CCNH: variants seen among roughly 807,000 people sequenced by gnomAD.
CCNH encodes the protein cyclin-H.
A neutral mutation model predicts 41.9 loss-of-function variants in CCNH; 31 were observed. The ratio of observed to expected loss-of-function variants is 0.74; its 90% confidence interval spans 0.56 to 1.00. CCNH has a LOEUF of 1.00. Ranked by LOEUF, CCNH falls within the 50% of genes least tolerant of loss-of-function variation. CCNH has a pLI of 0.00. For synonymous variants in CCNH, 138 were observed against 136.1 expected (o/e 1.01, Z -0.10); for missense variants, 362 against 388.4 (o/e 0.93, Z 0.57).
At position 87,411,113 on chromosome 5, in the gene CCNH, T is replaced by C. The variant is rs1311086305; in HGVS notation, c.240+111A>G. ...AATATATAATGTGCCAAAAACTAAT[T>C]AATTGTAACTAAGGTGAATTTTTAA... is the stretch of plus-strand genomic sequence containing the variant. On this transcript the variant is annotated intron_variant, in intron 2 of 8. Transcript: ENST00000256897. 9 of 1,114,064 alleles carry C rather than the reference T, an allele frequency of 8.1e-6. No individual in the cohort carries two copies. The Admixed American group carries it at 1.4e-4, about 17-fold the overall frequency. 69.0% of individuals were successfully genotyped at this position (1,114,064 alleles called of 1,614,324 possible). A position where few individuals can be genotyped will look rare whatever the true frequency, so the allele number is the denominator to read the frequency against.
At chr5:87,390,992 T>G, downstream of CCNH, 1 of 1,090,424 alleles carries the variant, frequency 9.2e-7, no homozygotes, top group Admixed American at 1.8e-5. Context: ...TTTTCCACAT[T>G]CCAGTGATGT....
At chr5:87,394,609 G>A in intron 8 of CCNH, 125 bp from the exon 9 acceptor site, 1 of 1,505,384 alleles carries the variant, frequency 6.6e-7, no homozygotes, top group Non-Finnish European at 8.9e-7. Flanking sequence ...GATAAACCAG[G>A]AAATTTTGTA....
At chr5:87,374,960 T>A (rs1170962699), downstream of CCNH, 1 of 1,570,020 alleles carries the variant, frequency 6.4e-7, no homozygotes, top group African/African-American at 1.4e-5. Flanking sequence ...AAGCATGTTT[T>A]ATATACTTTC....
chr5:87,348,809 A>G (rs1478761140), intron 9 of CCNH, among the ~76,000 whole-genome samples: 1 of 151,940 alleles, frequency 6.6e-6, no homozygotes, highest in African/African-American at 2.4e-5. Flanking sequence ...AGCACAGAGT[A>G]TTCTTAAGCA....
downstream of CCNH, among the ~76,000 whole-genome samples, chr5:87,387,308 A>G (rs1762130601): frequency 6.6e-6 from 1 of 152,176 alleles, no homozygotes; most frequent in Admixed American, 6.5e-5. Context: ...AAGTAGACTG[A>G]AAAGTCTTCT....
intron 9 of CCNH, among the ~76,000 whole-genome samples, chr5:87,322,293 G>T (rs1756880702): frequency 6.6e-6 from 1 of 152,184 alleles, no homozygotes; most frequent in South Asian, 2.1e-4. Context: ...CTGATCAGCA[G>T]AGCTTAGATC....
rs549690680 is a variant in CCNH, at chr5:87,366,370, C to T, written c.*90+26400G>A. The T allele has an allele frequency of 2.1e-4, 91 of 431,140 alleles. 1 individual carries two copies. The highest frequency in any genetic ancestry group is 1.6e-3 in the African/African-American group (80 of 49,554). 26.7% of individuals were successfully genotyped at this position (431,140 alleles called of 1,614,324 possible). On this transcript the variant is annotated intron_variant and NMD_transcript_variant, in intron 9 of 9. Coordinates refer to the CCNH transcript ENST00000645953. ...GAACAGATGCAGTTAGATTGGAAGTCTGTTGGCACAATCAAAAGAAAGGTC... is the reference window on the plus strand; with the variant it reads ...GAACAGATGCAGTTAGATTGGAAGTTTGTTGGCACAATCAAAAGAAAGGTC...
chr5:87,331,240 T>G (rs886740592), intron 9 of CCNH: 3 of 1,187,296 alleles, frequency 2.5e-6, no homozygotes, highest in African/African-American at 3.0e-5. Context: ...TGTAAATGTT[T>G]AAGTTACATG....
chr5:87,397,080 C>T (rs767234145), intron 7 of CCNH, among the ~76,000 whole-genome samples: 4 of 152,008 alleles, frequency 2.6e-5, no homozygotes, highest in Non-Finnish European at 4.4e-5. Context: ...TAGCACTACT[C>T]ATGGTAGCAA....
At chr5:87,377,142 A>T (rs1490004950) in exon 1 of CCNH, 5 of 1,411,202 alleles carry the variant, frequency 3.5e-6, no homozygotes, top group Non-Finnish European at 4.9e-6. Flanking sequence ...GTTAAATTAT[A>T]TTGCAAAATA....
chr5:87,389,346 A>G (rs759247745), downstream of CCNH: 3 of 1,611,602 alleles, frequency 1.9e-6, no homozygotes, highest in Non-Finnish European at 2.5e-6. Flanking sequence ...AAAACAAAAA[A>G]AAAGAAGATT....
downstream of CCNH, among the ~76,000 whole-genome samples, chr5:87,314,256 A>T (rs2112313680): frequency 6.6e-6 from 1 of 152,346 alleles, no homozygotes; most frequent in East Asian, 1.9e-4. Flanking sequence ...TCCAGTGGAG[A>T]CTGGCCAAGC....
downstream of CCNH, among the ~76,000 whole-genome samples, chr5:87,371,321 T>A (rs968457000): frequency 6.6e-6 from 1 of 152,128 alleles, no homozygotes; most frequent in Non-Finnish European, 1.5e-5. Context: ...TTTAATTTGC[T>A]GTAATATAAA....
downstream of CCNH, among the ~76,000 whole-genome samples, chr5:87,373,621 G>A (rs1424271071): frequency 1.3e-5 from 2 of 152,102 alleles, no homozygotes; most frequent in Non-Finnish European, 2.9e-5. Flanking sequence ...GATACTAGAA[G>A]GTGGATGGTC....
chr5:87,338,574 G>A (rs1399832309), intron 9 of CCNH, among the ~76,000 whole-genome samples: 3 of 133,546 alleles, frequency 2.2e-5, no homozygotes, highest in African/African-American at 5.6e-5. Flanking sequence ...GTTTTACCAT[G>A]TTGGCCAGGC....
At chr5:87,338,149 C>T (rs775998993) in intron 9 of CCNH, 11 of 1,604,404 alleles carry the variant, frequency 6.9e-6, no homozygotes, top group East Asian at 4.5e-5. Context: ...AAATTTGGAT[C>T]TTGTCCGTAA....
intron 9 of CCNH, among the ~76,000 whole-genome samples, chr5:87,360,274 G>A (rs766728886): frequency 1.4e-4 from 22 of 151,982 alleles, no homozygotes; most frequent in Non-Finnish European, 2.8e-4. Flanking sequence ...TTACAGGCAC[G>A]CGCCACCACG....
chr5:87,387,404 AAATT>A (rs574313538), downstream of CCNH, among the ~76,000 whole-genome samples: 494 of 152,304 alleles, frequency 3.2e-3, 2 homozygotes, highest in Admixed American at 5.4e-3. Flanking sequence ...TTAATAAAAT[AAATT>A]GTGATTACAA....
At chr5:87,407,764 T>C (rs1236415764) in intron 4 of CCNH, among the ~76,000 whole-genome samples, 1 of 152,060 alleles carries the variant, frequency 6.6e-6, no homozygotes, top group Non-Finnish European at 1.5e-5. Context: ...ACTCTGTAAG[T>C]CCCACCCAAC....
Sources: gnomAD v4.1 joint callset for allele counts (sites outside exome capture counted in the v4.1 genomes callset) on GRCh38, gnomAD v4.1.1 for gene constraint, MANE v1.5 for transcripts, NCBI Gene and HGNC (gene_info 2026-07-23, HGNC 2026-07-21) for gene names.